Variants in GLB1L3 observed in about 807,000 individuals in gnomAD.
The protein encoded by GLB1L3 is galactosidase beta 1 like 3.
In GLB1L3, 89 loss-of-function variants were observed where a neutral mutation model predicts 89.5. That is an observed-to-expected ratio of 0.99 (90% CI 0.84 to 1.19). The LOEUF (loss-of-function observed/expected upper bound fraction) is 1.19. Ranked by LOEUF, GLB1L3 falls within the 50% of genes most tolerant of loss-of-function variation. The pLI is 0.00. For missense variants in GLB1L3, 812 were observed against 813.3 expected (o/e 1.00, Z 0.02); for synonymous variants, 314 against 312.3 (o/e 1.01, Z -0.06).
downstream of GLB1L3, among the ~76,000 whole-genome samples, chr11:134,322,893 G>C (rs904821850): frequency 1.3e-5 from 2 of 152,090 alleles, no homozygotes; most frequent in Non-Finnish European, 2.9e-5. Context: ...ATAAGTTTTT[G>C]TGTGGTCGTA....
In GLB1L3 at chr11:134,318,642, T is replaced by C. The variant is rs775050296; in HGVS notation, c.1791T>C (p.Tyr597=). Residue 597 remains tyrosine (Y), a synonymous_variant, in exon 19 of 20, where the codon TAT becomes TAC. Coordinates refer to ENST00000431683, the MANE Select transcript of GLB1L3 (RefSeq NM_001080407.3). The part of the protein sequence containing the change: ...DTFLSLLNWN[Y]GFVFINGRNL... ...ACCATTCCTTTCAGAACTGGAATTATGGATTTGTGTTCATCAATGGACGTA... is the reference window on the plus strand; with the variant it reads ...ACCATTCCTTTCAGAACTGGAATTACGGATTTGTGTTCATCAATGGACGTA... The C allele has an allele frequency of 1.2e-5, 20 of 1,602,718 alleles. No individual in the cohort carries two copies. In the Admixed American group the frequency reaches 1.7e-4, roughly 13 times the overall value.
At chr11:134,306,023 G>A (rs140445915) in intron 9 of GLB1L3, among the ~76,000 whole-genome samples, 269 of 152,224 alleles carry the variant, frequency 1.8e-3, no homozygotes, top group Non-Finnish European at 2.9e-3. Flanking sequence ...AGTGGACAAA[G>A]AGCATGGAGG....
intron 11 of GLB1L3, chr11:134,310,070 G>T: frequency 2.2e-6 from 1 of 447,506 alleles, no homozygotes; most frequent in Non-Finnish European, 4.1e-6. Flanking sequence ...GCACAGACCT[G>T]CACGGCCGGG....
At position 134,318,707 on chromosome 11, in the gene GLB1L3, T is replaced by C. The variant is rs765079056; in HGVS notation, c.1856T>C (p.Leu619Pro). 6 of 1,612,922 alleles carry C rather than the reference T, an allele frequency of 3.7e-6. No homozygotes were observed. The highest frequency in any genetic ancestry group is 2.2e-5 in the East Asian group (1 of 44,884). ...RYWNIGPQKT[L>P]YLPGVWLHPE... is the part of the protein sequence containing the mutation. ...TGGAATATTGGGCCTCAGAAAACAC[T>C]GTACCTTCCTGGAGTTTGGCTTCAT... Residue 619 changes from leucine (L) to proline (P), a missense_variant, in exon 19 of 20, where the codon CTG becomes CCG. Physicochemically the swap from Leu to Pro is moderately conservative, Grantham distance 98. Around this residue, in one of 3 missense-constraint regions of GLB1L3, gnomAD observed 618 missense variants for 604.0 expected, o/e 1.02. Transcript: ENST00000431683.
chr11:134,288,982 C>T (rs1941184253), intron 7 of GLB1L3, 92 bp downstream of exon 7: 2 of 841,876 alleles, frequency 2.4e-6, no homozygotes, highest in African/African-American at 1.7e-5. Flanking sequence ...TCGGGCTGGA[C>T]ACTGTGCATT....
At chr11:134,313,917 C>T (rs765031121) in intron 16 of GLB1L3, 24 bp from the exon 17 acceptor site, 1 of 1,487,166 alleles carries the variant, frequency 6.7e-7, no homozygotes, top group South Asian at 1.2e-5. Context: ...TATTCTCTTT[C>T]CTGCCTCCCA....
intron 9 of GLB1L3, among the ~76,000 whole-genome samples, chr11:134,299,360 T>C (rs1941820133): frequency 6.6e-6 from 1 of 152,120 alleles, no homozygotes; most frequent in Non-Finnish European, 1.5e-5. Flanking sequence ...TTTTTGTATG[T>C]CTCATAATTT....
rs577887230 is a variant in GLB1L3, at chr11:134,307,324, C to G, written c.961+116C>G. 242 of 741,700 alleles carry G rather than the reference C, an allele frequency of 3.3e-4. 4 individuals are homozygous for G. In the Middle Eastern group the frequency reaches 4.9e-3, roughly 15 times the overall value. 45.9% of individuals were successfully genotyped at this position (741,700 alleles called of 1,614,324 possible). A position where few individuals can be genotyped will look rare whatever the true frequency, so the allele number is the denominator to read the frequency against. ...TGATCAGCCGTAGATATTCATGCAA[C>G]TTTTCACATACAAGCACTCAGCCAG... is the stretch of plus-strand genomic sequence containing the variant. On this transcript the variant is annotated intron_variant, in intron 10 of 19. Coordinates refer to ENST00000431683, the MANE Select transcript of GLB1L3 (RefSeq NM_001080407.3).
At position 134,277,799 on chromosome 11, in the gene GLB1L3, G is replaced by A. The variant is rs920342294; in HGVS notation, c.249G>A (p.Glu83=). 2.4e-5 allele frequency: 39 copies of A among 1,613,984 alleles called. No individual in the cohort carries two copies. Among genetic ancestry groups the A allele is most frequent in the Non-Finnish European group, 3.3e-5 (39 of 1,180,030 alleles). ...TGRGKPHFTL[E]GHKFLIFGGS... is the part of the protein sequence containing the mutation. The stretch of plus-strand genomic sequence containing the variant: ...GGGGTAAGCCCCACTTCACACTGGA[G>A]GGCCACAAGTTCCTGATCTTCGGGG... Residue 83 remains glutamate (E), a synonymous_variant, in exon 3 of 20, where the codon GAG becomes GAA. Coordinates refer to ENST00000431683, the MANE Select transcript of GLB1L3 (RefSeq NM_001080407.3).
intron 16 of GLB1L3, 44 bp downstream of exon 16, chr11:134,313,518 G>T: frequency 9.3e-7 from 1 of 1,077,202 alleles, no homozygotes; most frequent in South Asian, 1.3e-5. Flanking sequence ...CAGAACCGAA[G>T]ACCCGGGCTA....
chr11:134,276,691 G>A lies in GLB1L3; in HGVS notation c.-50G>A. On this transcript the variant is annotated 5_prime_UTR_variant, in exon 1 of 20. Transcript: ENST00000431683. Reference sequence around the variant, plus strand: ...GCCCGAGCGCGGCGTCGGGGCCAGCGGAGAGGGGCGGAAGCCGCAAGGGAC... The same window carrying A: ...GCCCGAGCGCGGCGTCGGGGCCAGCAGAGAGGGGCGGAAGCCGCAAGGGAC... 11 of 1,406,810 alleles carry A rather than the reference G, an allele frequency of 7.8e-6. No homozygotes were observed. Among genetic ancestry groups the A allele is most frequent in the Non-Finnish European group, 1.0e-5 (11 of 1,079,386 alleles). 87.1% of individuals were successfully genotyped at this position (1,406,810 alleles called of 1,614,324 possible). A position where few individuals can be genotyped will look rare whatever the true frequency, so the allele number is the denominator to read the frequency against.
chr11:134,298,066 T>C (rs1254158423), intron 9 of GLB1L3, among the ~76,000 whole-genome samples: 1 of 151,422 alleles, frequency 6.6e-6, no homozygotes, highest in East Asian at 1.9e-4. Context: ...TTAATTCTTA[T>C]CTTTTTTTTT....
At chr11:134,283,355 C>T (rs889403852) in intron 5 of GLB1L3, among the ~76,000 whole-genome samples, 2 of 152,028 alleles carry the variant, frequency 1.3e-5, no homozygotes, top group African/African-American at 2.4e-5. Context: ...TGAATCACCG[C>T]GCCTGACCAA....
chr11:134,316,237 A>C (rs1166359061), intron 18 of GLB1L3, among the ~76,000 whole-genome samples: 3 of 152,026 alleles, frequency 2.0e-5, no homozygotes, highest in Non-Finnish European at 4.4e-5. Flanking sequence ...AATAAGAATA[A>C]ATTTATTGTA....
At chr11:134,323,732 T>C (rs1943192768), downstream of GLB1L3, among the ~76,000 whole-genome samples, 1 of 152,214 alleles carries the variant, frequency 6.6e-6, no homozygotes, top group Non-Finnish European at 1.5e-5. Context: ...AATAAATCAT[T>C]AGTTGCTTGT....
At chr11:134,298,527 C>T (rs1941774531) in intron 9 of GLB1L3, among the ~76,000 whole-genome samples, 1 of 152,158 alleles carries the variant, frequency 6.6e-6, no homozygotes, top group South Asian at 2.1e-4. Context: ...TCCTAGAATT[C>T]CCATGTGTTG....
At chr11:134,306,329 G>A (rs183753218) in intron 9 of GLB1L3, among the ~76,000 whole-genome samples, 1 of 152,188 alleles carries the variant, frequency 6.6e-6, no homozygotes, top group African/African-American at 2.4e-5. Flanking sequence ...AATATTAATT[G>A]TGTTGATAGC....
downstream of GLB1L3, among the ~76,000 whole-genome samples, chr11:134,322,004 C>T (rs115688725): frequency 4.1e-3 from 623 of 151,820 alleles, 4 homozygotes; most frequent in Middle Eastern, 0.017. Context: ...TTTATAAATG[C>T]GCTAAACTCT....
intron 6 of GLB1L3, among the ~76,000 whole-genome samples, chr11:134,284,831 C>T (rs1258712780): frequency 6.6e-6 from 1 of 152,012 alleles, no homozygotes; most frequent in East Asian, 1.9e-4. Context: ...TTGCACCCCC[C>T]ATTCCGTGTC....
Sources: allele counts gnomAD v4.1 joint callset (sites outside exome capture counted in the v4.1 genomes callset), GRCh38; gene constraint gnomAD v4.1.1; regional missense constraint gnomAD v4.1.1; transcripts MANE v1.5; gene names NCBI Gene and HGNC (gene_info 2026-07-23, HGNC 2026-07-21).